LAMP2: variants seen among roughly 807,000 people sequenced by gnomAD.
LAMP2 encodes the protein lysosome-associated membrane glycoprotein 2.
A neutral mutation model predicts 25.6 loss-of-function variants in LAMP2; 4 were observed. That is an observed-to-expected ratio of 0.16 (90% confidence interval 0.08 to 0.36). The LOEUF is 0.36. Among genes scored for constraint, LAMP2 ranks in the 10% least tolerant of loss-of-function variants. LAMP2 has a pLI of 1.00. For missense variants in LAMP2, 272 were observed against 301.4 expected (o/e 0.90, Z 0.72); for synonymous variants, 108 against 112.7 (o/e 0.96, Z 0.27).
intron 6 of LAMP2, among the ~76,000 whole-genome samples, chrX:120,444,393 T>G (rs965815162): frequency 8.1e-5 from 9 of 111,736 alleles, no homozygotes; most frequent in African/African-American, 2.9e-4. Flanking sequence ...ACTAAACATA[T>G]AACACTCCTC....
At chrX:120,456,303 G>A (rs761522043) in intron 2 of LAMP2, among the ~76,000 whole-genome samples, 6 of 110,809 alleles carry the variant, frequency 5.4e-5, no homozygotes, top group East Asian at 2.9e-4. Flanking sequence ...TCACAGGCAT[G>A]AGCCACCATG....
chrX:120,428,145 A>C lies in LAMP2; in HGVS notation c.*3178T>G, dbSNP rs1057096447. 15 of 132,218 alleles carry C rather than the reference A, an allele frequency of 1.1e-4. No homozygotes were observed. The highest frequency in any genetic ancestry group is 9.0e-5 in the Non-Finnish European group (6 of 66,779). The allele number at this position is 132,218 out of a possible 1,213,427, so 10.9% of individuals were successfully genotyped here. A position where few individuals can be genotyped will look rare whatever the true frequency, so the allele number is the denominator to read the frequency against. The stretch of plus-strand genomic sequence containing the variant: ...ACCTTTGATTTTGCAAATAACATCA[A>C]AGTAGTAAAATATAAGTAACTGTAA... On this transcript the variant is annotated 3_prime_UTR_variant, in exon 9 of 9. Transcript: ENST00000200639.
intron 4 of LAMP2, among the ~76,000 whole-genome samples, chrX:120,448,348 C>A (rs753846877): frequency 8.9e-6 from 1 of 112,080 alleles, no homozygotes; most frequent in African/African-American, 3.2e-5. Context: ...GCCTCTGATA[C>A]GAAATTCAGA....
Position 120,431,206 on chromosome X carries a change from T to C in LAMP2, c.*117A>G. On this transcript the variant is annotated 3_prime_UTR_variant, in exon 9 of 9. Transcript: ENST00000200639. ...ACTGATCTCAAAATGCTGGGATTGA[T>C]AAAAGAATTAAAGTTTCAACATATC... 1 of 1,182,359 alleles carries C rather than the reference T, an allele frequency of 8.5e-7. No homozygotes were observed. The highest frequency in any genetic ancestry group is 1.1e-6 in the Non-Finnish European group (1 of 877,865).
At chrX:120,443,127 T>A (rs1041243712) in intron 6 of LAMP2, among the ~76,000 whole-genome samples, 1 of 111,888 alleles carries the variant, frequency 8.9e-6, no homozygotes, top group Non-Finnish European at 1.9e-5. Context: ...TGAACCACAC[T>A]TCAATCCTGC....
chrX:120,431,177 A>G lies in LAMP2; in HGVS notation c.*146T>C. On this transcript the variant is annotated 3_prime_UTR_variant, in exon 9 of 9. Coordinates refer to ENST00000200639, the MANE Select transcript of LAMP2 (RefSeq NM_002294.3). Reference sequence around the variant, plus strand: ...ATTAAAGAGAACAGGTTTTATTAATAAAGACTGATCTCAAAATGCTGGGAT... The same window carrying G: ...ATTAAAGAGAACAGGTTTTATTAATGAAGACTGATCTCAAAATGCTGGGAT... 1 of 1,157,210 alleles carries G rather than the reference A, an allele frequency of 8.6e-7. No individual in the cohort carries two copies. Among genetic ancestry groups the G allele is most frequent in the South Asian group, 2.0e-5 (1 of 50,450 alleles).
At chrX:120,461,940 G>C (rs1921328613) in intron 1 of LAMP2, among the ~76,000 whole-genome samples, 1 of 111,576 alleles carries the variant, frequency 9.0e-6, no homozygotes. Flanking sequence ...TAGGAACAGA[G>C]CTTTTCCCAA....
At chrX:120,440,390 G>A (rs1230465675) in intron 8 of LAMP2, among the ~76,000 whole-genome samples, 3 of 111,703 alleles carry the variant, frequency 2.7e-5, no homozygotes, top group Admixed American at 9.5e-5. Flanking sequence ...CTGCCTTATT[G>A]CAATTCTATT....
At chrX:120,437,244 C>G in intron 8 of LAMP2, 1 of 734,290 alleles carries the variant, frequency 1.4e-6, no homozygotes, top group Non-Finnish European at 1.6e-6. Context: ...TCCAATATAA[C>G]TCAGTTATAT....
At chrX:120,435,537 T>C (rs559300981) in intron 8 of LAMP2, among the ~76,000 whole-genome samples, 10 of 112,487 alleles carry the variant, frequency 8.9e-5, no homozygotes, top group African/African-American at 2.9e-4. Flanking sequence ...ACTGAACTTA[T>C]AGTATGTTCT....
At position 120,467,089 on chromosome X, in the gene LAMP2, G is replaced by A. The variant is rs370322002; in HGVS notation, c.64+2017C>T. ...ACTCCTGATCTCAGGTGATCCGCCC[G>A]CCTCAGCCTCCCAAAGTGCTGGGAT... On this transcript the variant is annotated intron_variant, in intron 1 of 8. Transcript: ENST00000200639. 2.5e-3 allele frequency among the ~76,000 whole-genome samples: 265 copies of A among 106,362 alleles called. 2 individuals carry two copies. The highest frequency in any genetic ancestry group is 4.3e-3 in the Non-Finnish European group (219 of 50,715). 92.4% of individuals were successfully genotyped at this position (106,362 alleles called of 115,157 possible). A position where few individuals can be genotyped will look rare whatever the true frequency, so the allele number is the denominator to read the frequency against.
intron 8 of LAMP2, 92 bp from the exon 9 acceptor site, chrX:120,431,554 G>A (rs970425168): frequency 2.5e-5 from 22 of 887,009 alleles, no homozygotes; most frequent in African/African-American, 1.8e-4. Flanking sequence ...TTCCTAACAC[G>A]CATATTTTGG....
Position 120,448,962 on chromosome X carries a change from T to G in LAMP2, c.556+8A>C. The G allele has an allele frequency of 8.3e-7, 1 of 1,201,791 alleles. No homozygotes were observed. Among genetic ancestry groups the G allele is most frequent in the Non-Finnish European group, 1.1e-6 (1 of 886,497 alleles). On this transcript the variant is annotated splice_region_variant and intron_variant, in intron 4 of 8. Coordinates refer to ENST00000200639, the MANE Select transcript of LAMP2 (RefSeq NM_002294.3). The stretch of plus-strand genomic sequence containing the variant: ...GGATCCAAGTAGAGAAATATATACT[T>G]TACTCACCATTTGTGCTCACTGTGC...
In LAMP2 at chrX:120,431,379, A is replaced by G. The variant is rs2058522359; in HGVS notation, c.1177T>C (p.Leu393=). 1.7e-6 allele frequency: 2 copies of G among 1,209,290 alleles called. No individual in the cohort carries two copies. The highest frequency in any genetic ancestry group is 2.2e-6 in the Non-Finnish European group (2 of 894,252). ...AALAGVLILV[L]LAYFIGLKHH... ...TTGAGACCAATAAAATAAGCCAGCA[A>G]CACTAGAATAAGTACTCCTGCCAAG... The change falls in exon 9 of 9, where the codon TTG becomes CTG. Residue 393 remains leucine (L), a synonymous_variant. Coordinates refer to ENST00000200639, the MANE Select transcript of LAMP2 (RefSeq NM_002294.3).
intron 8 of LAMP2, chrX:120,436,615 A>G (rs1170172102): frequency 1.5e-5 from 11 of 742,458 alleles, no homozygotes; most frequent in East Asian, 1.5e-4. Flanking sequence ...AAAAACATGG[A>G]AAGTATTTAC....
intron 3 of LAMP2, among the ~76,000 whole-genome samples, chrX:120,453,091 C>T (rs961801209): frequency 9.0e-6 from 1 of 111,183 alleles, no homozygotes; most frequent in Admixed American, 9.6e-5. Flanking sequence ...TAGCATTTAG[C>T]TTTGTCTCCC....
At chrX:120,440,213 T>C (rs2058565902) in intron 8 of LAMP2, among the ~76,000 whole-genome samples, 1 of 111,790 alleles carries the variant, frequency 8.9e-6, no homozygotes, top group African/African-American at 3.2e-5. Context: ...GATCGTGACT[T>C]AGTACATACA....
In LAMP2 at chrX:120,427,429, G is replaced by C. The variant is rs181132832; in HGVS notation, c.*3894C>G. ...CGGAGCCATTAGCAGTCCCTACAGGGATATAAGTCTATATCAAGATCAACA... is the reference window on the plus strand; with the variant it reads ...CGGAGCCATTAGCAGTCCCTACAGGCATATAAGTCTATATCAAGATCAACA... On this transcript the variant is annotated 3_prime_UTR_variant, in exon 9 of 9. Coordinates refer to ENST00000200639, the MANE Select transcript of LAMP2 (RefSeq NM_002294.3). Among the ~76,000 whole-genome samples the C allele has an allele frequency of 1.5e-4, 17 of 110,935 alleles. No homozygotes were observed. The Admixed American group carries it at 1.5e-3, about 10-fold the overall frequency.
Position 120,441,816 on chromosome X carries a change from G to C in LAMP2, c.1007C>G (p.Thr336Ser). The C allele has an allele frequency of 8.3e-7, 1 of 1,206,702 alleles. No homozygotes were observed. The highest frequency in any genetic ancestry group is 1.1e-6 in the Non-Finnish European group (1 of 890,769). ...CTGAAATGCTCCAGACACTGAAACA[G>C]TCTGCTCTTTGTTGCACATATAAGA... ...GSSYMCNKEQ[T>S]VSVSGAFQIN... Residue 336 changes from threonine (T) to serine (S), a missense_variant, in exon 8 of 9, where the codon ACT becomes AGT. By Grantham distance (58) the Thr-to-Ser change is moderately conservative. Transcript: ENST00000200639.
Sources: gnomAD v4.1 joint callset for allele counts (sites outside exome capture counted in the v4.1 genomes callset) on GRCh38, gnomAD v4.1.1 for gene constraint, MANE v1.5 for transcripts, NCBI Gene and HGNC (gene_info 2026-07-23, HGNC 2026-07-21) for gene names.